MDGA2: variants seen among roughly 807,000 people sequenced by gnomAD.
The protein encoded by MDGA2 is MAM domain containing glycosylphosphatidylinositol anchor 2.
MDGA2 carries 40 observed loss-of-function variants against 117.8 expected under a neutral mutation model. The ratio of observed to expected loss-of-function variants is 0.34; its 90% confidence interval spans 0.26 to 0.44. MDGA2 has a LOEUF of 0.44. Ranked by LOEUF, MDGA2 falls within the 20% of genes least tolerant of loss-of-function variation. The pLI, the probability that MDGA2 is intolerant of heterozygous loss-of-function variation, is 1.00. For synonymous variants in MDGA2, 452 were observed against 439.0 expected, an observed-to-expected ratio of 1.03 and a Z score of -0.37; for missense variants, 1,123 against 1,250.6, an observed-to-expected ratio of 0.90 and a Z score of 1.54.
At chr14:47,057,645 TC>T in intron 7 of MDGA2, among the ~76,000 whole-genome samples, 2 of 28,590 alleles carry the variant, frequency 7.0e-5, no homozygotes, top group South Asian at 2.9e-3. Context: ...TCCCCTCCTT[TC>T]CCCTCCCCTC....
intron 1 of MDGA2, among the ~76,000 whole-genome samples, chr14:47,488,768 G>A (rs1053729670): frequency 2.6e-5 from 4 of 151,958 alleles, no homozygotes; most frequent in African/African-American, 9.7e-5. Context: ...AGGAATCAAG[G>A]ATGATAATTC....
chr14:46,929,649 A>ATATATATATTTTTTTTTTTTTTTTTT (rs1884485655), intron 9 of MDGA2, among the ~76,000 whole-genome samples: 1 of 13,710 alleles, frequency 7.3e-5, no homozygotes, highest in Non-Finnish European at 1.4e-4. Flanking sequence ...ATATATATAC[A>ATATATATATTTTTTTTTTTTTTTTTT]TTTTTTTTTT....
intron 1 of MDGA2, among the ~76,000 whole-genome samples, chr14:47,457,558 GA>G (rs1305291480): frequency 2.0e-5 from 3 of 152,094 alleles, no homozygotes; most frequent in African/African-American, 7.2e-5. Context: ...TGTCTCCAAA[GA>G]AGACATTCTG....
intron 1 of MDGA2, among the ~76,000 whole-genome samples, chr14:47,667,058 G>T (rs529564476): frequency 1.3e-5 from 2 of 152,212 alleles, no homozygotes; most frequent in South Asian, 2.1e-4. Flanking sequence ...TCACCGCAAG[G>T]GTCCGCGGCT....
chr14:47,355,238 C>A (rs903789083), intron 1 of MDGA2, among the ~76,000 whole-genome samples: 2 of 152,136 alleles, frequency 1.3e-5, no homozygotes, highest in African/African-American at 4.8e-5. Context: ...CCCTTGGGAC[C>A]TATGATCAGC....
chr14:47,045,637 G>C (rs1196562153), intron 7 of MDGA2, among the ~76,000 whole-genome samples: 1 of 152,006 alleles, frequency 6.6e-6, no homozygotes, highest in Admixed American at 6.6e-5. Flanking sequence ...GGAGGGAATA[G>C]GGACTCTACA....
At chr14:46,998,692 T>C (rs929593971) in intron 8 of MDGA2, among the ~76,000 whole-genome samples, 1 of 152,116 alleles carries the variant, frequency 6.6e-6, no homozygotes, top group African/African-American at 2.4e-5. Context: ...CTCAGAGAAT[T>C]TTAAAGTTTA....
At chr14:47,166,251 G>T (rs1382572953) in intron 3 of MDGA2, among the ~76,000 whole-genome samples, 1 of 151,984 alleles carries the variant, frequency 6.6e-6, no homozygotes, top group Non-Finnish European at 1.5e-5. Flanking sequence ...AGCCAGGATG[G>T]TATTGATCTC....
At chr14:46,844,586 A>C (rs1028027186) in intron 16 of MDGA2, among the ~76,000 whole-genome samples, 1 of 152,116 alleles carries the variant, frequency 6.6e-6, no homozygotes, top group African/African-American at 2.4e-5. Flanking sequence ...CGTCTCAAAA[A>C]AAAAAATTGG....
At chr14:47,612,582 A>G (rs1896871686) in intron 1 of MDGA2, among the ~76,000 whole-genome samples, 1 of 152,164 alleles carries the variant, frequency 6.6e-6, no homozygotes, top group African/African-American at 2.4e-5. Flanking sequence ...TCAACTTCTC[A>G]AACAGCATTT....
chr14:47,161,728 CT>C (rs1446925978), intron 3 of MDGA2, among the ~76,000 whole-genome samples: 2 of 151,844 alleles, frequency 1.3e-5, no homozygotes, highest in African/African-American at 4.8e-5. Flanking sequence ...ATCCTTGCCC[CT>C]GATAAGGAAA....
intron 6 of MDGA2, among the ~76,000 whole-genome samples, chr14:47,078,997 A>G (rs72678474): frequency 0.19 from 29,505 of 151,626 alleles, 2,938 homozygotes; most frequent in Admixed American, 0.29. Flanking sequence ...ACTTTTATCA[A>G]TACAACTTTT....
At chr14:47,509,749 C>T (rs1269451959) in intron 1 of MDGA2, among the ~76,000 whole-genome samples, 1 of 152,172 alleles carries the variant, frequency 6.6e-6, no homozygotes. Flanking sequence ...TTTCTCTATC[C>T]CCCTTTTGGA....
chr14:47,363,686 G>A (rs1891173921), intron 1 of MDGA2, among the ~76,000 whole-genome samples: 1 of 151,772 alleles, frequency 6.6e-6, no homozygotes, highest in Admixed American at 6.6e-5. Flanking sequence ...TTATAAACAA[G>A]GGCTAGAAGA....
intron 3 of MDGA2, among the ~76,000 whole-genome samples, chr14:47,176,539 A>C (rs181226388): frequency 1.5e-3 from 221 of 152,340 alleles, no homozygotes; most frequent in Admixed American, 3.9e-3. Flanking sequence ...TGAGAAAAAC[A>C]AGCAATGGAG....
At chr14:47,409,057 C>A (rs944369278) in intron 1 of MDGA2, among the ~76,000 whole-genome samples, 4 of 151,974 alleles carry the variant, frequency 2.6e-5, no homozygotes, top group African/African-American at 9.7e-5. Flanking sequence ...CGGCATGTGG[C>A]GATAAAACCA....
At chr14:47,168,067 G>A (rs1315374115) in intron 3 of MDGA2, among the ~76,000 whole-genome samples, 1 of 152,004 alleles carries the variant, frequency 6.6e-6, no homozygotes, top group Non-Finnish European at 1.5e-5. Flanking sequence ...ATCTGTTACA[G>A]AAAACCTGTG....
intron 2 of MDGA2, among the ~76,000 whole-genome samples, chr14:47,283,073 A>AT (rs1411939746): frequency 2.6e-5 from 4 of 152,232 alleles, no homozygotes; most frequent in Admixed American, 1.3e-4. Context: ...TCTTTGTTAC[A>AT]TTATTATGCT....
chr14:47,192,577 C>G (rs1334579182), intron 3 of MDGA2, among the ~76,000 whole-genome samples: 2 of 151,760 alleles, frequency 1.3e-5, no homozygotes, highest in African/African-American at 4.8e-5. Flanking sequence ...TGAGATCACC[C>G]CATTGCACTC....
Sources: gnomAD v4.1 joint callset for allele counts (sites outside exome capture counted in the v4.1 genomes callset) on GRCh38, gnomAD v4.1.1 for gene constraint, MANE v1.5 for transcripts, NCBI Gene and HGNC (gene_info 2026-07-23, HGNC 2026-07-21) for gene names.